Variants in PLCXD3 observed in about 807,000 individuals in gnomAD.
PLCXD3 encodes the protein PI-PLC X domain-containing protein 3.
PLCXD3 carries 19 observed loss-of-function variants against 25.5 expected under a neutral mutation model. The observed-to-expected ratio is 0.75, with a 90% CI of 0.52 to 1.09. The LOEUF is 1.09. Ranked by LOEUF, PLCXD3 falls within the 50% of genes least tolerant of loss-of-function variation. The pLI, the probability that PLCXD3 is intolerant of heterozygous loss-of-function variation, is 0.00. For synonymous variants in PLCXD3, 174 were observed against 137.6 expected (o/e 1.26, Z -1.85); for missense variants, 411 against 388.1 (o/e 1.06, Z -0.50).
At chr5:41,403,419 TATACTCTAAG>T (rs1301395965) in intron 1 of PLCXD3, among the ~76,000 whole-genome samples, 4 of 31,088 alleles carry the variant, frequency 1.3e-4, no homozygotes, top group Non-Finnish European at 3.4e-4. Context: ...TTTTTTTTAT[TATACTCTAAG>T]TTTTAGGGTA....
chr5:41,392,170 AC>A (rs1332062891), intron 1 of PLCXD3, among the ~76,000 whole-genome samples: 1 of 152,178 alleles, frequency 6.6e-6, no homozygotes, highest in Admixed American at 6.5e-5. Context: ...TAGCTTTGCC[AC>A]CTGCTGATTG....
At chr5:41,457,235 G>C (rs951318728) in intron 1 of PLCXD3, among the ~76,000 whole-genome samples, 2 of 151,926 alleles carry the variant, frequency 1.3e-5, no homozygotes, top group Non-Finnish European at 2.9e-5. Flanking sequence ...ACAGCCACTG[G>C]AAAGCGATTT....
chr5:41,450,392 T>C (rs1425756994), intron 1 of PLCXD3, among the ~76,000 whole-genome samples: 2 of 152,166 alleles, frequency 1.3e-5, no homozygotes, highest in African/African-American at 4.8e-5. Flanking sequence ...ACATGGATTT[T>C]AATTAGCAAG....
intron 2 of PLCXD3, among the ~76,000 whole-genome samples, chr5:41,331,846 G>C (rs1266947034): frequency 6.6e-6 from 1 of 152,184 alleles, no homozygotes; most frequent in African/African-American, 2.4e-5. Context: ...ATGGGGAAAG[G>C]ATTCCCTATT....
chr5:41,351,127 A>G (rs991197763), intron 2 of PLCXD3, among the ~76,000 whole-genome samples: 7 of 152,196 alleles, frequency 4.6e-5, no homozygotes, highest in African/African-American at 1.7e-4. Context: ...CTCAGAGCAG[A>G]TACCTTTTTT....
intron 1 of PLCXD3, among the ~76,000 whole-genome samples, chr5:41,398,417 A>C (rs1746075591): frequency 6.6e-6 from 1 of 152,188 alleles, no homozygotes; most frequent in African/African-American, 2.4e-5. Flanking sequence ...TGAGGCCTCC[A>C]AGCCATGCTT....
chr5:41,504,630 T>C (rs2111591559), intron 1 of PLCXD3, among the ~76,000 whole-genome samples: 1 of 152,296 alleles, frequency 6.6e-6, no homozygotes, highest in Middle Eastern at 3.4e-3. Flanking sequence ...GAATAAGCTC[T>C]GGAGGAGCTA....
At chr5:41,500,885 A>G (rs1748936508) in intron 1 of PLCXD3, among the ~76,000 whole-genome samples, 1 of 152,044 alleles carries the variant, frequency 6.6e-6, no homozygotes, top group Non-Finnish European at 1.5e-5. Flanking sequence ...TAACCTTATT[A>G]AAACTATACA....
At chr5:41,341,608 A>C (rs1185273037) in intron 2 of PLCXD3, among the ~76,000 whole-genome samples, 1 of 152,160 alleles carries the variant, frequency 6.6e-6, no homozygotes, top group Non-Finnish European at 1.5e-5. Flanking sequence ...CATTGGGTTT[A>C]TAAGGTTTAC....
At chr5:41,475,829 C>G (rs527809892) in intron 1 of PLCXD3, 2 of 465,966 alleles carry the variant, frequency 4.3e-6, no homozygotes, top group East Asian at 1.1e-4. Flanking sequence ...AAGGGATGAA[C>G]ATAGAAATGA....
chr5:41,457,195 G>A (rs995370754), intron 1 of PLCXD3, among the ~76,000 whole-genome samples: 5 of 151,876 alleles, frequency 3.3e-5, no homozygotes, highest in African/African-American at 4.8e-5. Context: ...CATCCATGTC[G>A]CCTGGTGTCC....
intron 1 of PLCXD3, among the ~76,000 whole-genome samples, chr5:41,440,264 A>C: frequency 1.3e-5 from 1 of 76,062 alleles, no homozygotes; most frequent in Non-Finnish European, 2.4e-5. Flanking sequence ...TCAGAGTCTC[A>C]CTGTGTCACC....
chr5:41,438,083 C>T (rs1747297574), intron 1 of PLCXD3, among the ~76,000 whole-genome samples: 2 of 152,106 alleles, frequency 1.3e-5, no homozygotes, highest in Admixed American at 6.5e-5. Context: ...TTTGTTCTGC[C>T]TTAAGTTGTT....
chr5:41,394,606 A>T (rs1745939206), intron 1 of PLCXD3, among the ~76,000 whole-genome samples: 1 of 152,180 alleles, frequency 6.6e-6, no homozygotes, highest in African/African-American at 2.4e-5. Context: ...GACTGAAAAT[A>T]CAGGGATGGA....
Position 41,313,111 on chromosome 5 carries a change from G to C in PLCXD3, c.*506C>G, listed in dbSNP as rs1294706664. 1.3e-5 allele frequency: 2 copies of C among 153,012 alleles called. No homozygotes were observed. Among genetic ancestry groups the C allele is most frequent in the Non-Finnish European group, 2.9e-5 (2 of 68,440 alleles). 9.5% of individuals were successfully genotyped at this position (153,012 alleles called of 1,614,324 possible). ...AAAAATTAGCTATGATTGCCCAACT[G>C]TGGATGACTATAGAGCATTATAACA... On this transcript the variant is annotated 3_prime_UTR_variant, in exon 3 of 3. Coordinates refer to ENST00000377801, the MANE Select transcript of PLCXD3 (RefSeq NM_001005473.3).
intron 1 of PLCXD3, among the ~76,000 whole-genome samples, chr5:41,384,661 C>T (rs934246620): frequency 2.6e-5 from 4 of 151,910 alleles, no homozygotes; most frequent in Admixed American, 1.3e-4. Context: ...ACCTTTCTAT[C>T]ACATGGTTAT....
chr5:41,341,726 A>G (rs940739132), intron 2 of PLCXD3, among the ~76,000 whole-genome samples: 6 of 152,120 alleles, frequency 3.9e-5, no homozygotes, highest in Non-Finnish European at 8.8e-5. Flanking sequence ...GAAAAAAAAA[A>G]GTTCTTATCA....
intron 1 of PLCXD3, among the ~76,000 whole-genome samples, chr5:41,393,365 C>A (rs1745895068): frequency 6.6e-6 from 1 of 152,070 alleles, no homozygotes; most frequent in African/African-American, 2.4e-5. Context: ...TGTCTGGCAG[C>A]AGACTTTTTA....
At position 41,385,958 on chromosome 5, in the gene PLCXD3, G is replaced by A. The variant is rs318848; in HGVS notation, c.104-3424C>T. Among the ~76,000 whole-genome samples, 382 of 152,192 alleles carry A rather than the reference G, an allele frequency of 2.5e-3. 1 individual carries two copies. The highest frequency in any genetic ancestry group is 7.5e-3 in the African/African-American group (312 of 41,530). On this transcript the variant is annotated intron_variant, in intron 1 of 2. Transcript: ENST00000377801. ...TGATTGCAGCCCTGTGAGAGAGACC[G>A]AAGCAGGGAACCCAGTTAAGTAATG...
Sources: allele counts gnomAD v4.1 joint callset (sites outside exome capture counted in the v4.1 genomes callset), GRCh38; gene constraint gnomAD v4.1.1; transcripts MANE v1.5; gene names NCBI Gene and HGNC (gene_info 2026-07-23, HGNC 2026-07-21).